The following ITSN1 variants were observed in gnomAD, a reference collection of about 807,000 sequenced individuals.
The protein encoded by ITSN1 is intersectin 1, also known as intersectin-1.
A neutral mutation model predicts 239.8 loss-of-function variants in ITSN1; 58 were observed. That is an observed-to-expected ratio of 0.24 (90% CI 0.20 to 0.30). ITSN1 has a LOEUF of 0.30. Ranked by LOEUF, ITSN1 falls within the 10% of genes least tolerant of loss-of-function variation. ITSN1 has a pLI of 1.00. For synonymous variants in ITSN1, 780 were observed against 770.8 expected (o/e 1.01, Z -0.20); for missense variants, 1,558 against 2,103.3 (o/e 0.74, Z 5.07).
chr21:33,701,756 C>T (rs1046797487), intron 1 of ITSN1, among the ~76,000 whole-genome samples: 4 of 151,854 alleles, frequency 2.6e-5, no homozygotes, highest in South Asian at 2.1e-4. Context: ...GATTGTGCCA[C>T]TGCACTCCAG....
At chr21:33,771,972 C>G in intron 11 of ITSN1, 89 bp from the exon 12 acceptor site, 5 of 1,477,034 alleles carry the variant, frequency 3.4e-6, no homozygotes, top group South Asian at 1.3e-5. Context: ...GTTTGTACTA[C>G]AAATTTCAAA....
At chr21:33,701,002 T>A (rs1421872781) in intron 1 of ITSN1, among the ~76,000 whole-genome samples, 2 of 150,098 alleles carry the variant, frequency 1.3e-5, no homozygotes, top group African/African-American at 4.9e-5. Flanking sequence ...TTCTTATAGA[T>A]GTGGTCTCAC....
At chr21:33,717,261 G>A (rs921254103) in intron 1 of ITSN1, among the ~76,000 whole-genome samples, 2 of 151,220 alleles carry the variant, frequency 1.3e-5, no homozygotes, top group Admixed American at 6.6e-5. Flanking sequence ...CAGTGACACC[G>A]TCTTAGCTCA....
chr21:33,774,145 C>T (rs930600179), intron 12 of ITSN1, among the ~76,000 whole-genome samples: 3 of 152,156 alleles, frequency 2.0e-5, no homozygotes, highest in Non-Finnish European at 4.4e-5. Flanking sequence ...TTGGATGACC[C>T]ATGAGTCAGA....
chr21:33,719,393 G>A (rs551866849), intron 2 of ITSN1, among the ~76,000 whole-genome samples: 5 of 152,186 alleles, frequency 3.3e-5, no homozygotes, highest in Admixed American at 1.3e-4. Context: ...GTGAGCCGAG[G>A]TCGCACCACT....
intron 20 of ITSN1, among the ~76,000 whole-genome samples, chr21:33,809,664 G>A (rs1167370016): frequency 1.2e-4 from 18 of 152,144 alleles, no homozygotes; most frequent in Non-Finnish European, 2.9e-5. Context: ...ACTCATGTCT[G>A]ATTTCTAAGA....
intron 29 of ITSN1, among the ~76,000 whole-genome samples, chr21:33,848,602 G>C (rs1270571183): frequency 6.6e-6 from 1 of 152,162 alleles, no homozygotes; most frequent in Non-Finnish European, 1.5e-5. Flanking sequence ...TGTTCAGTGG[G>C]GGATAACAAC....
intron 29 of ITSN1, among the ~76,000 whole-genome samples, chr21:33,856,407 G>A (rs1207907413): frequency 6.6e-6 from 1 of 152,154 alleles, no homozygotes; most frequent in Non-Finnish European, 1.5e-5. Context: ...GGTGTGTCTT[G>A]GTTTGGAAAC....
intron 31 of ITSN1, among the ~76,000 whole-genome samples, chr21:33,862,633 A>G (rs112136329): frequency 0.017 from 2,572 of 152,246 alleles, 70 homozygotes; most frequent in African/African-American, 0.057. Flanking sequence ...GAAGATGGGC[A>G]GGTGCCCAGA....
chr21:33,706,942 T>G (rs1244571995), intron 1 of ITSN1, among the ~76,000 whole-genome samples: 2 of 151,888 alleles, frequency 1.3e-5, no homozygotes, highest in Non-Finnish European at 2.9e-5. Context: ...AGGCTGGTGT[T>G]GAACTCCTGA....
At chr21:33,808,891 G>A (rs2072678960) in intron 20 of ITSN1, among the ~76,000 whole-genome samples, 1 of 152,138 alleles carries the variant, frequency 6.6e-6, no homozygotes, top group Non-Finnish European at 1.5e-5. Flanking sequence ...CATCACCTTT[G>A]GTCCTAGAAC....
intron 29 of ITSN1, among the ~76,000 whole-genome samples, chr21:33,854,674 T>C (rs955962892): frequency 2.0e-5 from 3 of 152,188 alleles, no homozygotes; most frequent in Non-Finnish European, 2.9e-5. Flanking sequence ...TGAGAGTTCA[T>C]TGTTGGTGCA....
intron 20 of ITSN1, among the ~76,000 whole-genome samples, chr21:33,805,527 G>A (rs1305748715): frequency 6.6e-6 from 1 of 152,058 alleles, no homozygotes; most frequent in African/African-American, 2.4e-5. Flanking sequence ...CCCAATCACT[G>A]CCTGTTTTAT....
chr21:33,842,192 G>C (rs142215805), intron 29 of ITSN1, among the ~76,000 whole-genome samples: 187 of 152,046 alleles, frequency 1.2e-3, no homozygotes, highest in Non-Finnish European at 2.0e-3. Flanking sequence ...ACCGCGCCCG[G>C]CCACTCTTGG....
chr21:33,868,186 T>G (rs1392067375), intron 33 of ITSN1, among the ~76,000 whole-genome samples: 2 of 152,152 alleles, frequency 1.3e-5, no homozygotes, highest in Non-Finnish European at 2.9e-5. Flanking sequence ...ATTGGTGCCT[T>G]TACAATCCCT....
intron 29 of ITSN1, chr21:33,837,684 C>T: frequency 2.0e-6 from 2 of 985,858 alleles, no homozygotes; most frequent in Non-Finnish European, 2.4e-6. Context: ...TTAGTTCTTT[C>T]CATGGCAAAG....
chr21:33,851,744 T>C (rs1286851711), intron 29 of ITSN1, among the ~76,000 whole-genome samples: 5 of 149,528 alleles, frequency 3.3e-5, no homozygotes, highest in Admixed American at 6.7e-5. Flanking sequence ...TTTTTTTTTT[T>C]TCTCGTTTTT....
rs923159055 is a variant in ITSN1 at position 33,763,026 on chromosome 21, A to G, written c.788+1040A>G. On this transcript the variant is annotated intron_variant, in intron 9 of 39. Transcript: ENST00000381318. ...CCTAAGTTTTTCAGTAGTCATCCTTATCATTAAATTAATCAGGGAATGTTC... is the reference window on the plus strand; with the variant it reads ...CCTAAGTTTTTCAGTAGTCATCCTTGTCATTAAATTAATCAGGGAATGTTC... Among the ~76,000 whole-genome samples the G allele has an allele frequency of 2.0e-5, 3 of 152,032 alleles. No homozygotes were observed. In the South Asian group the frequency reaches 6.2e-4, roughly 32 times the overall value.
intron 1 of ITSN1, among the ~76,000 whole-genome samples, chr21:33,698,976 A>G (rs987462124): frequency 6.6e-6 from 1 of 152,184 alleles, no homozygotes; most frequent in African/African-American, 2.4e-5. Flanking sequence ...TAAAAGGATA[A>G]TATGTGGAGG....
Sources: allele counts gnomAD v4.1 joint callset (sites outside exome capture counted in the v4.1 genomes callset), GRCh38; gene constraint gnomAD v4.1.1; transcripts MANE v1.5; gene names NCBI Gene and HGNC (gene_info 2026-07-23, HGNC 2026-07-21).